DLG2: variants seen among roughly 807,000 people sequenced by gnomAD.
DLG2 encodes the protein discs large MAGUK scaffold protein 2, also known as disks large homolog 2.
In DLG2, 45 loss-of-function variants were observed where a neutral mutation model predicts 132.5. The observed-to-expected ratio is 0.34, with a 90% CI of 0.27 to 0.44. DLG2 has a LOEUF of 0.44. Among genes scored for constraint, DLG2 ranks in the 20% least tolerant of loss-of-function variants. The pLI is 1.00. For synonymous variants in DLG2, 424 were observed against 419.6 expected (o/e 1.01, Z -0.13); for missense variants, 1,045 against 1,196.9 (o/e 0.87, Z 1.87).
At chr11:83,648,013 C>A (rs1052962909) in intron 18 of DLG2, 8 of 152,122 alleles carry the variant, frequency 5.3e-5, no homozygotes, top group Non-Finnish European at 1.2e-4. Context: ...ACCTTTTATT[C>A]AGTTTTTATT....
chr11:84,332,714 C>T (rs111714469), intron 7 of DLG2, among the ~76,000 whole-genome samples: 42 of 152,228 alleles, frequency 2.8e-4, no homozygotes, highest in African/African-American at 9.9e-4. Flanking sequence ...TGCCTATTTG[C>T]ATCCAATCTA....
chr11:84,685,712 CTT>C (rs767748974), intron 6 of DLG2, among the ~76,000 whole-genome samples: 1 of 146,806 alleles, frequency 6.8e-6, no homozygotes. Context: ...TTTCTGTATC[CTT>C]TTTTTTTTTG....
In DLG2 at chr11:85,278,532, G is replaced by A. The variant is rs550442735; in HGVS notation, c.186+6688C>T. On this transcript the variant is annotated intron_variant, in intron 4 of 27. Transcript: ENST00000376104. ...GGAGAATCGCTTGAACCTGGGAGGTGGAGATTGCGGTGAGCCGAGATGGTT... is the reference window on the plus strand; with the variant it reads ...GGAGAATCGCTTGAACCTGGGAGGTAGAGATTGCGGTGAGCCGAGATGGTT... Among the ~76,000 whole-genome samples, 3 of 152,114 alleles carry A rather than the reference G, an allele frequency of 2.0e-5. No homozygotes were observed. In the East Asian group the frequency reaches 5.8e-4, roughly 30 times the overall value.
chr11:84,617,523 T>C (rs1190083132), intron 6 of DLG2, among the ~76,000 whole-genome samples: 1 of 152,166 alleles, frequency 6.6e-6, no homozygotes, highest in Non-Finnish European at 1.5e-5. Context: ...CTGGTTCAAA[T>C]GGTATTTCTG....
intron 6 of DLG2, among the ~76,000 whole-genome samples, chr11:84,751,708 T>C (rs2066136702): frequency 6.6e-6 from 1 of 152,174 alleles, no homozygotes; most frequent in Non-Finnish European, 1.5e-5. Context: ...TCAACTTGAA[T>C]TTGTTTTTTA....
At chr11:84,588,109 C>A (rs191937839) in intron 6 of DLG2, among the ~76,000 whole-genome samples, 6 of 152,134 alleles carry the variant, frequency 3.9e-5, no homozygotes, top group African/African-American at 7.2e-5. Flanking sequence ...CTGTTCTAGG[C>A]TCACCAAATT....
intron 11 of DLG2, among the ~76,000 whole-genome samples, chr11:84,009,940 G>A (rs950899178): frequency 2.0e-5 from 3 of 152,020 alleles, no homozygotes; most frequent in African/African-American, 7.2e-5. Context: ...GCCAAGACGC[G>A]AATCCAAGAC....
At chr11:84,561,507 C>T (rs2099428717) in intron 6 of DLG2, among the ~76,000 whole-genome samples, 1 of 152,070 alleles carries the variant, frequency 6.6e-6, no homozygotes. Flanking sequence ...TGTAATTAAT[C>T]TACTTATAAG....
intron 8 of DLG2, among the ~76,000 whole-genome samples, chr11:84,212,763 A>AGG (rs2154313012): frequency 6.6e-6 from 1 of 152,256 alleles, no homozygotes; most frequent in African/African-American, 2.4e-5. Flanking sequence ...GGTTCAAGCG[A>AGG]ATCTACTGCC....
At position 85,449,664 on chromosome 11, in the gene DLG2, TTA is replaced by T. The variant is rs1309027684; in HGVS notation, c.40+148991_40+148992del. ...GTATTTTGTAGTTTTCATTCTCAAT[TTA>T]TGTTTTATTAAAGCTGTTTTTAGGT... On this transcript the variant is annotated intron_variant, in intron 3 of 27. Transcript: ENST00000376104. Among the ~76,000 whole-genome samples the T allele has an allele frequency of 4.6e-5, 7 of 152,306 alleles. No homozygotes were observed. In the South Asian group the frequency reaches 8.3e-4, roughly 18 times the overall value.
chr11:84,997,755 C>T (rs2057799446), intron 6 of DLG2: 1 of 152,238 alleles, frequency 6.6e-6, no homozygotes, highest in Non-Finnish European at 1.5e-5. Context: ...TAATCACCAG[C>T]CTCTTTAGCA....
intron 9 of DLG2, among the ~76,000 whole-genome samples, chr11:84,158,416 T>G (rs987684253): frequency 6.6e-6 from 1 of 152,098 alleles, no homozygotes; most frequent in African/African-American, 2.4e-5. Flanking sequence ...GTCAAGAAAA[T>G]CTGTTTGGAG....
At chr11:85,518,231 G>C (rs2094208113) in intron 3 of DLG2, among the ~76,000 whole-genome samples, 1 of 152,188 alleles carries the variant, frequency 6.6e-6, no homozygotes, top group South Asian at 2.1e-4. Context: ...AGGGCTCAAA[G>C]AAGACAGGAA....
At chr11:84,632,051 C>T (rs2099633056) in intron 6 of DLG2, among the ~76,000 whole-genome samples, 2 of 152,172 alleles carry the variant, frequency 1.3e-5, no homozygotes, top group Admixed American at 6.6e-5. Flanking sequence ...TTTGCCTGAA[C>T]CAGTGAGAGG....
At chr11:85,042,853 T>C (rs1338221495) in intron 6 of DLG2, among the ~76,000 whole-genome samples, 1 of 151,880 alleles carries the variant, frequency 6.6e-6, no homozygotes, top group Admixed American at 6.6e-5. Context: ...GGTAAGGTAT[T>C]TATGGAAGAT....
At chr11:84,167,681 TTC>T (rs1264287469) in intron 8 of DLG2, among the ~76,000 whole-genome samples, 1 of 151,594 alleles carries the variant, frequency 6.6e-6, no homozygotes, top group African/African-American at 2.4e-5. Flanking sequence ...TTTTTTTTTT[TTC>T]GAGACGGAGT....
At chr11:84,885,860 G>GC (rs5793144) in intron 6 of DLG2, among the ~76,000 whole-genome samples, 64,540 of 151,814 alleles carry the variant, frequency 0.43, 14,145 homozygotes, top group Middle Eastern at 0.45. Context: ...TGTAAAAACT[G>GC]CAAGATAACT....
Position 83,712,079 on chromosome 11 carries a change from A to G in DLG2, c.1825+74611T>C, listed in dbSNP as rs139231158. ...GTTGGTGGGAGTGTAAATAAGTCCA[A>G]CCATTGTGGAAGACAGTGTAGTGAT... On this transcript the variant is annotated intron_variant, in intron 18 of 27. Transcript: ENST00000376104. Among the ~76,000 whole-genome samples, 4 of 152,284 alleles carry G rather than the reference A, an allele frequency of 2.6e-5. No homozygotes were observed. The East Asian group carries it at 7.7e-4, about 29-fold the overall frequency.
In DLG2 at chr11:84,237,041, G is replaced by A. The variant is rs187279564; in HGVS notation, c.573+14197C>T. Among the ~76,000 whole-genome samples the A allele has an allele frequency of 9.8e-3, 1,473 of 151,060 alleles. 9 individuals are homozygous for A. Among genetic ancestry groups the A allele is most frequent in the Non-Finnish European group, 0.016 (1,056 of 67,888 alleles). On this transcript the variant is annotated intron_variant, in intron 8 of 27. Transcript: ENST00000376104. The stretch of plus-strand genomic sequence containing the variant: ...CCTCCCGGGTTCCAGCGATTCCCCT[G>A]CCTCAGCCTCCTGAGTAGCTGAGAC...
Sources: gnomAD v4.1 joint callset for allele counts (sites outside exome capture counted in the v4.1 genomes callset) on GRCh38, gnomAD v4.1.1 for gene constraint, MANE v1.5 for transcripts, NCBI Gene and HGNC (gene_info 2026-07-23, HGNC 2026-07-21) for gene names.